Variants in G3BP1 observed in about 807,000 individuals in gnomAD.
G3BP1 encodes ras GTPase-activating protein-binding protein 1.
Under a neutral mutation model 58.6 loss-of-function variants are expected in G3BP1, and 35 were observed. The ratio of observed to expected loss-of-function variants is 0.60; its 90% CI spans 0.46 to 0.79. G3BP1 has a LOEUF of 0.79. Ranked by LOEUF, G3BP1 falls within the 30% of genes least tolerant of loss-of-function variation. G3BP1 has a pLI of 0.00. For missense variants in G3BP1, 523 were observed against 580.8 expected (o/e 0.90, Z 1.02); for synonymous variants, 191 against 195.4 (o/e 0.98, Z 0.19).
At position 151,804,510 on chromosome 5, in the gene G3BP1, A is replaced by C. The variant is rs1330603597; in HGVS notation, c.*419A>C. 3 of 154,022 alleles carry C rather than the reference A, an allele frequency of 1.9e-5. No homozygotes were observed. Among genetic ancestry groups the C allele is most frequent in the African/African-American group, 7.2e-5 (3 of 41,500 alleles). The allele number at this position is 154,022 out of a possible 1,614,324, so 9.5% of individuals were successfully genotyped here. A position where few individuals can be genotyped will look rare whatever the true frequency, so the allele number is the denominator to read the frequency against. On this transcript the variant is annotated 3_prime_UTR_variant, in exon 12 of 12. Coordinates refer to ENST00000356245, the MANE Select transcript of G3BP1 (RefSeq NM_005754.3). ...TGTTTGAAAAGCCTGTAAGAAATAC[A>C]GGATTTGATAATATTTTGAAGGCAG...
rs762649135 is a variant in G3BP1, at chr5:151,803,855, T to A, written c.1195-30T>A. The stretch of plus-strand genomic sequence containing the variant: ...ATAGTGATAGCCAGCTCATCAGTAC[T>A]CTTAAGTCTGGTCACCTTGATTCTT... On this transcript the variant is annotated intron_variant, in intron 11 of 11. Transcript: ENST00000356245. The A allele has an allele frequency of 3.4e-6, 5 of 1,481,208 alleles. No homozygotes were observed. In the South Asian group the frequency reaches 4.6e-5, roughly 13 times the overall value. The allele number at this position is 1,481,208 out of a possible 1,614,324, so 91.8% of individuals were successfully genotyped here.
At chr5:151,799,093 C>T in intron 7 of G3BP1, 119 bp from the exon 8 acceptor site, 1 of 656,210 alleles carries the variant, frequency 1.5e-6, no homozygotes, top group Non-Finnish European at 2.7e-6. Flanking sequence ...TATATATAAA[C>T]TCCATCCTGC....
chr5:151,785,887 C>T (rs6898736), intron 1 of G3BP1, among the ~76,000 whole-genome samples: 28,741 of 152,092 alleles, frequency 0.19, 3,128 homozygotes, highest in African/African-American at 0.29. Flanking sequence ...GATAGTTTGT[C>T]CCCGGATGTC....
intron 1 of G3BP1, among the ~76,000 whole-genome samples, chr5:151,782,587 A>C (rs983411443): frequency 1.3e-5 from 2 of 152,174 alleles, no homozygotes; most frequent in Non-Finnish European, 2.9e-5. Flanking sequence ...GGAACAGCCA[A>C]AGTCCATAGT....
At chr5:151,800,093 A>G in intron 9 of G3BP1, 93 bp downstream of exon 9, 1 of 1,172,630 alleles carries the variant, frequency 8.5e-7, no homozygotes, top group Non-Finnish European at 1.2e-6. Flanking sequence ...CTTTAAAATA[A>G]AAATATTGTA....
chr5:151,801,816 T>TA (rs1418389432), intron 11 of G3BP1, among the ~76,000 whole-genome samples: 3 of 151,894 alleles, frequency 2.0e-5, no homozygotes, highest in African/African-American at 7.3e-5. Context: ...TTTTTATTTT[T>TA]TTATTTTTTT....
chr5:151,800,447 G>T (rs1200106431), intron 10 of G3BP1, 101 bp downstream of exon 10: 3 of 772,962 alleles, frequency 3.9e-6, no homozygotes, highest in Non-Finnish European at 6.0e-6. Context: ...AAATTTTCTA[G>T]TAGTCATGGT....
rs748000057 is a variant in G3BP1, at chr5:151,790,943, C to G, written c.232C>G (p.Arg78Gly). 2.5e-6 allele frequency: 4 copies of G among 1,610,366 alleles called. No individual in the cohort carries two copies. In the South Asian group the frequency reaches 4.4e-5, roughly 18 times the overall value. ...QNFTNCHTKIRHVDAHATLND... is the reference protein window; with the variant it reads ...QNFTNCHTKIGHVDAHATLND... ...CTTCACCAACTGCCACACCAAGATTCGCCATGTTGATGCTCATGCCACGCT... is the reference window on the plus strand; with the variant it reads ...CTTCACCAACTGCCACACCAAGATTGGCCATGTTGATGCTCATGCCACGCT... The change falls in exon 4 of 12, where the codon CGC becomes GGC. Residue 78 changes from arginine to glycine, a missense_variant. By Grantham distance (125) the Arg-to-Gly change is moderately radical. This residue lies in a region of G3BP1 where 398 missense variants were observed against 399.1 expected (regional missense o/e 1.00). Transcript: ENST00000356245.
chr5:151,797,178 G>T (rs759174280), intron 6 of G3BP1, 49 bp from the exon 7 acceptor site: 7 of 1,581,060 alleles, frequency 4.4e-6, no homozygotes, highest in Non-Finnish European at 5.2e-6. Flanking sequence ...GGAATTTTTT[G>T]TGAAATAAAT....
At chr5:151,784,680 T>C (rs754446504) in intron 1 of G3BP1, among the ~76,000 whole-genome samples, 4 of 152,168 alleles carry the variant, frequency 2.6e-5, no homozygotes, top group Non-Finnish European at 4.4e-5. Flanking sequence ...TTTTTTTAAA[T>C]AGTGAAGCAG....
chr5:151,804,156 G>A lies in G3BP1; in HGVS notation c.*65G>A, dbSNP rs1581585310. On this transcript the variant is annotated 3_prime_UTR_variant, in exon 12 of 12. Transcript: ENST00000356245. ...CCAACAGAATGGTGAATTTTCGACA[G>A]CCTTTGGTATCTTGGAGTATGACCC... The A allele has an allele frequency of 8.3e-7, 1 of 1,199,422 alleles. No individual in the cohort carries two copies. The highest frequency in any genetic ancestry group is 1.5e-5 in the African/African-American group (1 of 65,900). The allele number at this position is 1,199,422 out of a possible 1,614,324, so 74.3% of individuals were successfully genotyped here.
intron 1 of G3BP1, among the ~76,000 whole-genome samples, chr5:151,779,570 T>C (rs1221252791): frequency 6.6e-6 from 1 of 152,240 alleles, no homozygotes; most frequent in Non-Finnish European, 1.5e-5. Flanking sequence ...TTGTGTATAC[T>C]AAAAACACTT....
chr5:151,787,017 A>ATT (rs1184904343), intron 2 of G3BP1: 31 of 116,484 alleles, frequency 2.7e-4, no homozygotes, highest in South Asian at 7.9e-4. Context: ...TAATTTTTGT[A>ATT]TTTTTTTTTT....
chr5:151,772,123 C>G (rs930451578), intron 1 of G3BP1, 87 bp downstream of exon 1: 5 of 151,888 alleles, frequency 3.3e-5, no homozygotes, highest in African/African-American at 1.2e-4. Context: ...GAGTGGCGCT[C>G]GCGGCGGCCG....
rs375073413 is a variant in G3BP1 at position 151,790,968 on chromosome 5, T to C, written c.257T>C (p.Leu86Pro). ...CGCCATGTTGATGCTCATGCCACGCTAAATGATGGTGTGGTAGTCCAGGTG... is the reference window on the plus strand; with the variant it reads ...CGCCATGTTGATGCTCATGCCACGCCAAATGATGGTGTGGTAGTCCAGGTG... ...KIRHVDAHAT[L>P]NDGVVVQVMG... is the part of the protein sequence containing the mutation. Residue 86 changes from leucine to proline, a missense_variant, in exon 4 of 12, where the codon CTA (leucine) becomes CCA (proline). Leu to Pro is a moderately conservative substitution (Grantham distance 98, BLOSUM62 -3). Around this residue, in one of 2 missense-constraint regions of G3BP1, gnomAD observed 398 missense variants for 399.1 expected, o/e 1.00. Transcript: ENST00000356245. The C allele has an allele frequency of 3.7e-6, 6 of 1,611,846 alleles. No individual in the cohort carries two copies. The African/African-American group carries it at 8.0e-5, about 22-fold the overall frequency.
At position 151,771,989 on chromosome 5, in the gene G3BP1, C is replaced by T. The variant is rs377645389; in HGVS notation, c.-97C>T. The T allele has an allele frequency of 1.3e-5, 2 of 152,490 alleles. No individual in the cohort carries two copies. Among genetic ancestry groups the T allele is most frequent in the East Asian group, 1.9e-4 (1 of 5,206 alleles). The allele number at this position is 152,490 out of a possible 1,614,324, so 9.4% of individuals were successfully genotyped here. On this transcript the variant is annotated 5_prime_UTR_variant, in exon 1 of 12. Transcript: ENST00000356245. ...AGTTGCGTGAGGGGTTTGTACTATC[C>T]TCGGTGCTGTGGTGCAGAGCTAGTT...
chr5:151,795,673 C>T (rs1762736956), intron 6 of G3BP1, 98 bp downstream of exon 6: 3 of 606,424 alleles, frequency 4.9e-6, no homozygotes, highest in Admixed American at 3.0e-5. Flanking sequence ...TGAGAATTAC[C>T]TCAAAATAAT....
chr5:151,778,574 T>C (rs988417198), intron 1 of G3BP1, among the ~76,000 whole-genome samples: 1 of 151,950 alleles, frequency 6.6e-6, no homozygotes, highest in Admixed American at 6.6e-5. Flanking sequence ...CCTGAGTAGC[T>C]GGGATTACAG....
At chr5:151,794,050 T>C (rs1394002325) in intron 4 of G3BP1, 109 bp from the exon 5 acceptor site, 13 of 678,686 alleles carry the variant, frequency 1.9e-5, no homozygotes, top group Non-Finnish European at 2.9e-5. Context: ...TCTCCAGATA[T>C]TGCCAGATGT....
Sources: allele counts gnomAD v4.1 joint callset (sites outside exome capture counted in the v4.1 genomes callset), GRCh38; gene constraint gnomAD v4.1.1; regional missense constraint gnomAD v4.1.1; transcripts MANE v1.5; gene names NCBI Gene and HGNC (gene_info 2026-07-23, HGNC 2026-07-21).